PTPRD: variants seen among roughly 807,000 people sequenced by gnomAD.
The protein encoded by PTPRD is receptor-type tyrosine-protein phosphatase delta.
PTPRD carries 34 observed loss-of-function variants against 214.5 expected under a neutral mutation model. That is an observed-to-expected ratio of 0.16 (90% confidence interval 0.12 to 0.21). The LOEUF (loss-of-function observed/expected upper bound fraction) is 0.21. PTPRD is among the 10% of genes least tolerant of loss of function. PTPRD has a pLI of 1.00. For synonymous variants in PTPRD, 1,128 were observed against 845.7 expected, an observed-to-expected ratio of 1.33 and a Z score of -5.79; for missense variants, 2,545 against 2,398.7, an observed-to-expected ratio of 1.06 and a Z score of -1.27.
At chr9:9,272,469 C>T (rs768863049) in intron 9 of PTPRD, among the ~76,000 whole-genome samples, 5 of 151,208 alleles carry the variant, frequency 3.3e-5, no homozygotes, top group Non-Finnish European at 5.9e-5. Flanking sequence ...ACCTCTTAAT[C>T]ACACATCCCC....
chr9:8,940,134 T>C (rs575350853), intron 11 of PTPRD, among the ~76,000 whole-genome samples: 7 of 151,902 alleles, frequency 4.6e-5, no homozygotes, highest in African/African-American at 1.7e-4. Context: ...TGTCCTATAT[T>C]TCAGTCTGTC....
intron 7 of PTPRD, among the ~76,000 whole-genome samples, chr9:9,693,800 C>T (rs1410709820): frequency 2.0e-5 from 3 of 152,080 alleles, no homozygotes; most frequent in Admixed American, 1.3e-4. Context: ...TTGCTTTTGT[C>T]TCCTCTGACT....
intron 37 of PTPRD, 66 bp downstream of exon 37, chr9:8,389,166 A>C: frequency 7.1e-7 from 1 of 1,402,668 alleles, no homozygotes; most frequent in Non-Finnish European, 9.7e-7. Context: ...GAACAGAATA[A>C]AATATGCAAC....
intron 11 of PTPRD, among the ~76,000 whole-genome samples, chr9:8,844,255 T>C (rs933472070): frequency 2.0e-5 from 3 of 152,192 alleles, no homozygotes; most frequent in Non-Finnish European, 4.4e-5. Flanking sequence ...CTCTCAACAC[T>C]AGTTGCAAAG....
At chr9:8,548,826 C>G (rs1414209062) in intron 14 of PTPRD, among the ~76,000 whole-genome samples, 2 of 151,256 alleles carry the variant, frequency 1.3e-5, no homozygotes, top group Admixed American at 6.6e-5. Flanking sequence ...TCCCGAGTAG[C>G]TGGGATTACA....
chr9:9,802,957 A>T (rs1040898975), intron 5 of PTPRD, among the ~76,000 whole-genome samples: 2 of 151,946 alleles, frequency 1.3e-5, no homozygotes, highest in East Asian at 3.8e-4. Context: ...AATTTTAAGC[A>T]TGGTAAATTT....
At chr9:9,738,439 C>CTTTTTTTTTTTTTTTTTTTT (rs71319292) in intron 6 of PTPRD, among the ~76,000 whole-genome samples, 2 of 76,518 alleles carry the variant, frequency 2.6e-5, no homozygotes, top group African/African-American at 6.4e-5. Flanking sequence ...CACTCACTCA[C>CTTTTTTTTTTTTTTTTTTTT]TTTTTTTTTT....
intron 12 of PTPRD, among the ~76,000 whole-genome samples, chr9:8,704,116 G>A (rs568287048): frequency 6.6e-6 from 1 of 152,240 alleles, no homozygotes; most frequent in South Asian, 2.1e-4. Flanking sequence ...CATAAGAGTA[G>A]GGGCCAGCAT....
At chr9:9,378,611 T>C (rs570672707) in intron 9 of PTPRD, among the ~76,000 whole-genome samples, 26 of 152,182 alleles carry the variant, frequency 1.7e-4, no homozygotes, top group Non-Finnish European at 3.2e-4. Flanking sequence ...TAAGTAGCTC[T>C]ACCATTTTAT....
intron 3 of PTPRD, among the ~76,000 whole-genome samples, chr9:10,121,234 T>C (rs1362715442): frequency 6.6e-6 from 1 of 152,172 alleles, no homozygotes; most frequent in Non-Finnish European, 1.5e-5. Context: ...CTGTTTTAAA[T>C]TGTCTTTCTT....
rs1295766353 is a variant in PTPRD at position 9,331,059 on chromosome 9, G to A, written c.-203+66390C>T. Among the ~76,000 whole-genome samples the A allele has an allele frequency of 2.0e-5, 3 of 151,998 alleles. No homozygotes were observed. In the East Asian group the frequency reaches 5.8e-4, roughly 29 times the overall value. On this transcript the variant is annotated intron_variant, in intron 9 of 45. Coordinates refer to ENST00000381196, the MANE Select transcript of PTPRD (RefSeq NM_002839.4). Reference sequence around the variant, plus strand: ...CAAACTTGCTCAGATAAGAGTCTAAGCAAACATGAAGACCTGCAGTTGGGC... The same window carrying A: ...CAAACTTGCTCAGATAAGAGTCTAAACAAACATGAAGACCTGCAGTTGGGC...
chr9:10,461,063 T>C (rs926687919), intron 2 of PTPRD, among the ~76,000 whole-genome samples: 6 of 151,954 alleles, frequency 3.9e-5, no homozygotes, highest in Non-Finnish European at 5.9e-5. Context: ...ATATATAACC[T>C]GATTAAAAAC....
At chr9:8,786,402 CTTTTTTTTTTTTTTTTT>C (rs36018689) in intron 11 of PTPRD, among the ~76,000 whole-genome samples, 1 of 66,996 alleles carries the variant, frequency 1.5e-5, no homozygotes, top group Non-Finnish European at 2.7e-5. Context: ...GTTTGGAGTT[CTTTTTTTTTTTTTTTTT>C]TTTTTTTTGA....
chr9:8,814,609 C>T (rs535769500), intron 11 of PTPRD, among the ~76,000 whole-genome samples: 1 of 152,166 alleles, frequency 6.6e-6, no homozygotes, highest in African/African-American at 2.4e-5. Context: ...AAATAGAAGA[C>T]AGCCATCCAA....
intron 7 of PTPRD, among the ~76,000 whole-genome samples, chr9:9,622,322 T>C (rs1384649051): frequency 6.6e-6 from 1 of 152,194 alleles, no homozygotes; most frequent in African/African-American, 2.4e-5. Context: ...CGCAATCAAG[T>C]AGTAATTTCA....
At chr9:9,450,899 G>A (rs774585094) in intron 8 of PTPRD, among the ~76,000 whole-genome samples, 3 of 147,780 alleles carry the variant, frequency 2.0e-5, no homozygotes, top group Admixed American at 1.4e-4. Flanking sequence ...AAAATGATGG[G>A]CAAAAATACT....
intron 2 of PTPRD, among the ~76,000 whole-genome samples, chr9:10,511,573 T>TA (rs1386549157): frequency 3.0e-4 from 27 of 89,088 alleles, no homozygotes; most frequent in African/African-American, 7.0e-4. Context: ...CCTGGTATTT[T>TA]TTTTTTTTTT....
At chr9:9,918,947 T>C (rs1173990958) in intron 5 of PTPRD, among the ~76,000 whole-genome samples, 1 of 152,054 alleles carries the variant, frequency 6.6e-6, no homozygotes, top group Non-Finnish European at 1.5e-5. Context: ...AAAAATGGCA[T>C]ATAGTTACAG....
intron 10 of PTPRD, among the ~76,000 whole-genome samples, chr9:9,180,183 A>T (rs2099927361): frequency 6.6e-6 from 1 of 151,602 alleles, no homozygotes; most frequent in Admixed American, 6.6e-5. Context: ...AATAGCAAAG[A>T]CTTGGAACCA....
Sources: gnomAD v4.1 joint callset for allele counts (sites outside exome capture counted in the v4.1 genomes callset) on GRCh38, gnomAD v4.1.1 for gene constraint, MANE v1.5 for transcripts, NCBI Gene and HGNC (gene_info 2026-07-23, HGNC 2026-07-21) for gene names.